The following ECPAS variants were observed in gnomAD, a reference collection of about 807,000 sequenced individuals.
ECPAS encodes the protein proteasome adapter and scaffold protein ECM29.
A neutral mutation model predicts 255.1 loss-of-function variants in ECPAS; 70 were observed. The ratio of observed to expected loss-of-function variants is 0.27; its 90% CI spans 0.23 to 0.33. The LOEUF is 0.33. ECPAS is among the 10% of genes least tolerant of loss of function. The probability of loss-of-function intolerance (pLI) is 1.00; values close to 1 mark genes in which losing one functional copy is unlikely to be tolerated. For missense variants in ECPAS, 1,817 were observed against 2,206.4 expected, an observed-to-expected ratio of 0.82 and a Z score of 3.54; for synonymous variants, 784 against 775.0, an observed-to-expected ratio of 1.01 and a Z score of -0.19.
intron 2 of ECPAS, among the ~76,000 whole-genome samples, chr9:111,453,488 T>C (rs756794004): frequency 2.6e-5 from 4 of 152,084 alleles, no homozygotes; most frequent in African/African-American, 4.8e-5. Context: ...TATGTGGCTA[T>C]TTCCCCCTAC....
At chr9:111,417,746 CAAAAAAAA>C in intron 17 of ECPAS, 129 bp downstream of exon 17, 1 of 741,920 alleles carries the variant, frequency 1.3e-6, no homozygotes. Flanking sequence ...AGCTCCATCT[CAAAAAAAA>C]AAAAGAAAAG....
intron 2 of ECPAS, among the ~76,000 whole-genome samples, chr9:111,457,665 G>A (rs149749254): frequency 1.0e-3 from 153 of 152,240 alleles, no homozygotes; most frequent in African/African-American, 3.6e-3. Context: ...GACAATGGTA[G>A]GAAAAGGCTT....
intron 2 of ECPAS, among the ~76,000 whole-genome samples, chr9:111,455,859 G>C (rs2098266297): frequency 6.6e-6 from 1 of 152,170 alleles, no homozygotes; most frequent in African/African-American, 2.4e-5. Flanking sequence ...GTTTCCTCCA[G>C]ATTTCACTCA....
At chr9:111,400,806 T>A (rs1386666695) in intron 24 of ECPAS, among the ~76,000 whole-genome samples, 1 of 152,196 alleles carries the variant, frequency 6.6e-6, no homozygotes, top group African/African-American at 2.4e-5. Flanking sequence ...AAGAGTTATT[T>A]GCCTTAAAGA....
intron 11 of ECPAS, 96 bp from the exon 12 acceptor site, chr9:111,425,592 A>C (rs2098220420): frequency 8.6e-6 from 9 of 1,044,322 alleles, no homozygotes; most frequent in East Asian, 2.7e-5. Flanking sequence ...ACATAACCGA[A>C]ATAAGTTAAA....
Position 111,407,403 on chromosome 9 carries a change from GAAAAAAAAAAAAAAAAAA to G in ECPAS, c.2652+1150_2652+1167del, listed in dbSNP as rs1161790026. 0.017 allele frequency among the ~76,000 whole-genome samples: 210 copies of G among 12,084 alleles called. 19 individuals are homozygous for G. The East Asian group carries it at 0.21, about 12-fold the overall frequency. 7.9% of individuals were successfully genotyped at this position (12,084 alleles called of 152,430 possible). ...GGAGACAGAGCAAAACTCCATCTCA[GAAAAAAAAAAAAAAAAAA>G]AAAAAAAAAAAAAAAAACCTAGAAG... is the stretch of plus-strand genomic sequence containing the variant. On this transcript the variant is annotated intron_variant, in intron 24 of 49. Transcript: ENST00000684092.
chr9:111,479,522 T>C (rs1564573374), intron 1 of ECPAS, among the ~76,000 whole-genome samples: 1 of 151,910 alleles, frequency 6.6e-6, no homozygotes, highest in Non-Finnish European at 1.5e-5. Context: ...GAACCCAGGA[T>C]GTGGAGGTTG....
chr9:111,476,027 C>G (rs1306091218), intron 1 of ECPAS, among the ~76,000 whole-genome samples: 1 of 152,142 alleles, frequency 6.6e-6, no homozygotes, highest in African/African-American at 2.4e-5. Context: ...CCAGGATTCC[C>G]AGCACTAGCA....
chr9:111,394,911 T>C (rs771773663), intron 25 of ECPAS, among the ~76,000 whole-genome samples: 4 of 152,234 alleles, frequency 2.6e-5, no homozygotes, highest in Non-Finnish European at 5.9e-5. Context: ...AATAGTTGTT[T>C]AAACTCATGT....
At chr9:111,405,946 A>G (rs556491453) in intron 24 of ECPAS, among the ~76,000 whole-genome samples, 10 of 149,754 alleles carry the variant, frequency 6.7e-5, no homozygotes, top group Admixed American at 6.6e-4. Context: ...TGGTGGGAAA[A>G]CAGTATGAAG....
At chr9:111,363,749 G>T in intron 48 of ECPAS, 90 bp from the exon 49 acceptor site, 1 of 692,308 alleles carries the variant, frequency 1.4e-6, no homozygotes, top group Non-Finnish European at 2.5e-6. Flanking sequence ...AAGATGTCCA[G>T]AAATTACAAC....
intron 3 of ECPAS, among the ~76,000 whole-genome samples, chr9:111,450,254 T>C (rs2098258585): frequency 6.6e-6 from 1 of 152,160 alleles, no homozygotes; most frequent in Non-Finnish European, 1.5e-5. Flanking sequence ...TCTTAGACCT[T>C]GCTATCCTAA....
At chr9:111,392,905 T>G (rs915035522) in intron 27 of ECPAS, 23 bp from the exon 28 acceptor site, 3 of 1,548,286 alleles carry the variant, frequency 1.9e-6, no homozygotes, top group Non-Finnish European at 2.6e-6. Context: ...CAGACAAGAT[T>G]GTATCACTTT....
chr9:111,457,162 A>C (rs1564558520), intron 2 of ECPAS, among the ~76,000 whole-genome samples: 1 of 152,228 alleles, frequency 6.6e-6, no homozygotes, highest in African/African-American at 2.4e-5. Context: ...TGGCTCAAGC[A>C]GTTTCAATGA....
In ECPAS at chr9:111,484,239, G is replaced by T. The variant is rs1564577357; in HGVS notation, c.-206C>A. 2.0e-6 allele frequency: 3 copies of T among 1,473,934 alleles called. No homozygotes were observed. The South Asian group carries it at 4.2e-5, about 21-fold the overall frequency. The allele number at this position is 1,473,934 out of a possible 1,614,324, so 91.3% of individuals were successfully genotyped here. On this transcript the variant is annotated 5_prime_UTR_variant, in exon 1 of 50. Coordinates refer to ENST00000684092, the MANE Select transcript of ECPAS (RefSeq NM_001364929.1). Reference sequence around the variant, plus strand: ...CGCGCGCCGCAGTCCGTGAGGGGCTGGGCCGAGCGGGCCCGGGCTGCCCTA... The same window carrying T: ...CGCGCGCCGCAGTCCGTGAGGGGCTTGGCCGAGCGGGCCCGGGCTGCCCTA...
intron 24 of ECPAS, among the ~76,000 whole-genome samples, chr9:111,399,111 T>TA (rs1489271019): frequency 2.0e-5 from 3 of 152,166 alleles, no homozygotes; most frequent in African/African-American, 4.8e-5. Flanking sequence ...GATGTGATTA[T>TA]TAAGCATTGC....
chr9:111,418,227 G>T (rs2098207470), intron 16 of ECPAS, among the ~76,000 whole-genome samples: 1 of 152,058 alleles, frequency 6.6e-6, no homozygotes, highest in Non-Finnish European at 1.5e-5. Flanking sequence ...TTACATCTTT[G>T]AATTTGACTC....
rs573450797 is a variant in ECPAS at position 111,404,120 on chromosome 9, G to A, written c.2652+4451C>T. Reference sequence around the variant, plus strand: ...TGGGATACAGCAAAAGCAGTGCTAAGTGGGAATTTTATAGTAATAAAAGTA... The same window carrying A: ...TGGGATACAGCAAAAGCAGTGCTAAATGGGAATTTTATAGTAATAAAAGTA... On this transcript the variant is annotated intron_variant, in intron 24 of 49. Transcript: ENST00000684092. Among the ~76,000 whole-genome samples the A allele has an allele frequency of 4.5e-4, 68 of 149,764 alleles. 9 individuals are homozygous for A. The highest frequency in any genetic ancestry group is 1.6e-3 in the African/African-American group (62 of 39,556).
chr9:111,396,302 C>T (rs2098167536), intron 25 of ECPAS, among the ~76,000 whole-genome samples: 1 of 152,158 alleles, frequency 6.6e-6, no homozygotes, highest in African/African-American at 2.4e-5. Context: ...TCAGAAACCA[C>T]ATGTTCCCTC....
Sources: gnomAD v4.1 joint callset for allele counts (sites outside exome capture counted in the v4.1 genomes callset) on GRCh38, gnomAD v4.1.1 for gene constraint, MANE v1.5 for transcripts, NCBI Gene and HGNC (gene_info 2026-07-23, HGNC 2026-07-21) for gene names.